HCN1: variants seen among roughly 807,000 people sequenced by gnomAD.
HCN1 encodes the protein hyperpolarization activated cyclic nucleotide gated potassium channel 1.
HCN1 carries 13 observed loss-of-function variants against 78.9 expected under a neutral mutation model. The observed-to-expected ratio is 0.16, with a 90% confidence interval of 0.11 to 0.26. The LOEUF (loss-of-function observed/expected upper bound fraction) is 0.26, where lower values mean the gene tolerates loss of function less well. Ranked by LOEUF, HCN1 falls within the 10% of genes least tolerant of loss-of-function variation. The pLI is 1.00. For missense variants in HCN1, 810 were observed against 1,154.3 expected (o/e 0.70, Z 4.32); for synonymous variants, 552 against 455.5 (o/e 1.21, Z -2.70).
Position 45,431,339 on chromosome 5 carries a change from A to T in HCN1, c.1011+30507T>A, listed in dbSNP as rs140307101. ...TTTATTCATAGATTTTGGATATTAG[A>T]CTTTGATGCATAGTTTGTAAATATT... is the stretch of plus-strand genomic sequence containing the variant. On this transcript the variant is annotated intron_variant, in intron 3 of 7. Coordinates refer to ENST00000303230, the MANE Select transcript of HCN1 (RefSeq NM_021072.4). Among the ~76,000 whole-genome samples the T allele has an allele frequency of 2.5e-3, 386 of 151,838 alleles. 1 individual carries two copies. Among genetic ancestry groups the T allele is most frequent in the Non-Finnish European group, 3.9e-3 (266 of 67,856 alleles).
rs567818179 is a variant in HCN1 at position 45,637,546 on chromosome 5, T to C, written c.849+7639A>G. Among the ~76,000 whole-genome samples the C allele has an allele frequency of 4.8e-4, 72 of 150,840 alleles. 1 individual carries two copies. In the South Asian group the frequency reaches 0.015, roughly 32 times the overall value. ...TAGAGAGATTACAAATTGATGAATGTTACAAAGCAGAAGCACAAGGAGCTA... is the reference window on the plus strand; with the variant it reads ...TAGAGAGATTACAAATTGATGAATGCTACAAAGCAGAAGCACAAGGAGCTA... On this transcript the variant is annotated intron_variant, in intron 2 of 7. Transcript: ENST00000303230.
chr5:45,626,968 C>T (rs1182786818), intron 2 of HCN1, among the ~76,000 whole-genome samples: 1 of 150,336 alleles, frequency 6.7e-6, no homozygotes, highest in African/African-American at 2.5e-5. Context: ...TACACACATG[C>T]CATATATATA....
intron 3 of HCN1, among the ~76,000 whole-genome samples, chr5:45,460,414 T>C (rs1484930688): frequency 6.6e-6 from 1 of 152,072 alleles, no homozygotes; most frequent in African/African-American, 2.4e-5. Context: ...GAGAAATACA[T>C]TTCTGTTTTT....
intron 2 of HCN1, among the ~76,000 whole-genome samples, chr5:45,512,730 C>T (rs912474280): frequency 1.3e-5 from 2 of 152,000 alleles, no homozygotes; most frequent in African/African-American, 4.8e-5. Flanking sequence ...CATGAGCACA[C>T]TCTGAATCAT....
chr5:45,283,459 A>C (rs1745208134), intron 6 of HCN1, among the ~76,000 whole-genome samples: 1 of 152,170 alleles, frequency 6.6e-6, no homozygotes, highest in African/African-American at 2.4e-5. Flanking sequence ...AAAACAAACA[A>C]CACCATTAAA....
intron 2 of HCN1, among the ~76,000 whole-genome samples, chr5:45,535,930 T>A (rs1742960029): frequency 6.6e-6 from 1 of 152,164 alleles, no homozygotes; most frequent in Non-Finnish European, 1.5e-5. Flanking sequence ...TAACTAAAAA[T>A]TTCTTATTCA....
intron 2 of HCN1, among the ~76,000 whole-genome samples, chr5:45,609,429 T>G (rs985338095): frequency 1.3e-5 from 2 of 152,132 alleles, no homozygotes; most frequent in Non-Finnish European, 2.9e-5. Context: ...CCCTTTGTCA[T>G]GCTGGATTAT....
chr5:45,507,925 A>G (rs1451714712), intron 2 of HCN1, among the ~76,000 whole-genome samples: 1 of 152,130 alleles, frequency 6.6e-6, no homozygotes, highest in Non-Finnish European at 1.5e-5. Context: ...TGACTTAAAG[A>G]GACATATAAC....
Position 45,695,896 on chromosome 5 carries a change from G to T in HCN1, c.198C>A (p.Gly66=). 1 of 1,511,468 alleles carries T rather than the reference G, an allele frequency of 6.6e-7. No homozygotes were observed. 93.6% of individuals were successfully genotyped at this position (1,511,468 alleles called of 1,614,324 possible). Residue 66 remains glycine, a synonymous_variant, in exon 1 of 8, where the codon GGC becomes GGA. Coordinates refer to ENST00000303230, the MANE Select transcript of HCN1 (RefSeq NM_021072.4). Reference sequence around the variant, plus strand: ...CGCCGCCGCCGCCGCCGCCGCCACCGCCGCCACCGCCGTCCACCTTGAAGC... The same window carrying T: ...CGCCGCCGCCGCCGCCGCCGCCACCTCCGCCACCGCCGTCCACCTTGAAGC... The part of the protein sequence containing the change: ...SVCFKVDGGG[G]GGGGGGGGEE...
At chr5:45,475,490 A>G (rs1741493379) in intron 2 of HCN1, among the ~76,000 whole-genome samples, 1 of 152,082 alleles carries the variant, frequency 6.6e-6, no homozygotes, top group African/African-American at 2.4e-5. Context: ...GTAATGGAAA[A>G]CTTTGACTGT....
chr5:45,330,388 T>A (rs1293590090), intron 5 of HCN1, among the ~76,000 whole-genome samples: 2 of 151,042 alleles, frequency 1.3e-5, no homozygotes, highest in Admixed American at 6.6e-5. Context: ...GTATGACAAA[T>A]AAAACTTAAC....
intron 5 of HCN1, among the ~76,000 whole-genome samples, chr5:45,336,775 G>A (rs1444905498): frequency 1.3e-5 from 2 of 151,986 alleles, no homozygotes; most frequent in African/African-American, 4.8e-5. Context: ...CTAGTGAGGG[G>A]CCACTTCCTG....
chr5:45,402,146 C>A (rs1162036509), intron 3 of HCN1, among the ~76,000 whole-genome samples: 1 of 151,990 alleles, frequency 6.6e-6, no homozygotes, highest in East Asian at 1.9e-4. Context: ...GAGGAGCATA[C>A]CAGAAATATG....
At chr5:45,389,706 A>C (rs1293856864) in intron 4 of HCN1, among the ~76,000 whole-genome samples, 1 of 152,168 alleles carries the variant, frequency 6.6e-6, no homozygotes, top group East Asian at 1.9e-4. Context: ...TGTTTCCTAA[A>C]GTTTTATCTA....
At chr5:45,547,991 A>G (rs758283627) in intron 2 of HCN1, among the ~76,000 whole-genome samples, 4 of 151,962 alleles carry the variant, frequency 2.6e-5, no homozygotes, top group Admixed American at 6.6e-5. Flanking sequence ...GATATAATAC[A>G]TCATATCTTT....
At chr5:45,314,418 G>A (rs1236397132) in intron 5 of HCN1, among the ~76,000 whole-genome samples, 1 of 152,168 alleles carries the variant, frequency 6.6e-6, no homozygotes, top group African/African-American at 2.4e-5. Flanking sequence ...ATGCCACATT[G>A]TAAAGACCGT....
At position 45,393,477 on chromosome 5, in the gene HCN1, A is replaced by G. The variant is rs368596616; in HGVS notation, c.1230+3015T>C. Among the ~76,000 whole-genome samples, 55 of 152,272 alleles carry G rather than the reference A, an allele frequency of 3.6e-4. 2 individuals are homozygous for G. In the South Asian group the frequency reaches 0.011, roughly 30 times the overall value. On this transcript the variant is annotated intron_variant, in intron 4 of 7. Coordinates refer to ENST00000303230, the MANE Select transcript of HCN1 (RefSeq NM_021072.4). ...GCAATTATATCTAGAAAAGAAAGTGACCACTCAAAATCAGTTTAAAAATAA... is the reference window on the plus strand; with the variant it reads ...GCAATTATATCTAGAAAAGAAAGTGGCCACTCAAAATCAGTTTAAAAATAA...
At chr5:45,402,909 T>C (rs1411175426) in intron 3 of HCN1, among the ~76,000 whole-genome samples, 1 of 148,054 alleles carries the variant, frequency 6.8e-6, no homozygotes, top group East Asian at 2.1e-4. Context: ...TTTTCTTTCT[T>C]TTGTCTCACT....
chr5:45,549,476 C>A (rs1212844238), intron 2 of HCN1, among the ~76,000 whole-genome samples: 1 of 152,146 alleles, frequency 6.6e-6, no homozygotes, highest in Non-Finnish European at 1.5e-5. Context: ...CCCTTCCATA[C>A]ACCTTATACA....
Sources: allele counts gnomAD v4.1 joint callset (sites outside exome capture counted in the v4.1 genomes callset), GRCh38; gene constraint gnomAD v4.1.1; transcripts MANE v1.5; gene names NCBI Gene and HGNC (gene_info 2026-07-23, HGNC 2026-07-21).